The following GINS1 variants were observed in gnomAD, a reference collection of about 807,000 sequenced individuals.
GINS1 encodes the protein GINS complex subunit 1.
GINS1 carries 26 observed loss-of-function variants against 34.9 expected under a neutral mutation model. The ratio of observed to expected loss-of-function variants is 0.74; its 90% CI spans 0.55 to 1.03. The LOEUF is 1.03. GINS1 is among the 50% of genes least tolerant of loss of function. The pLI, the probability that GINS1 is intolerant of heterozygous loss-of-function variation, is 0.00. For missense variants in GINS1, 235 were observed against 237.9 expected (o/e 0.99, Z 0.08); for synonymous variants, 97 against 84.4 (o/e 1.15, Z -0.82).
intron 5 of GINS1, among the ~76,000 whole-genome samples, chr20:25,435,673 G>A (rs2090450139): frequency 6.7e-6 from 1 of 148,664 alleles, no homozygotes; most frequent in Non-Finnish European, 1.5e-5. Context: ...GAGGAGAATT[G>A]CGAATTGCTT....
chr20:25,407,838 C>T lies in GINS1; in HGVS notation c.18C>T (p.Ala6=). ...CGTCCGCCATGTTCTGCGAAAAAGCCATGGAACTGATCCGCGAGCTGCATC... is the reference window on the plus strand; with the variant it reads ...CGTCCGCCATGTTCTGCGAAAAAGCTATGGAACTGATCCGCGAGCTGCATC... MFCEK[A]MELIRELHRA... The change falls in exon 1 of 7, where the codon GCC becomes GCT. Residue 6 remains alanine (A), a synonymous_variant. Coordinates refer to ENST00000262460, the MANE Select transcript of GINS1 (RefSeq NM_021067.5). 1 of 1,613,990 alleles carries T rather than the reference C, an allele frequency of 6.2e-7. No homozygotes were observed. The highest frequency in any genetic ancestry group is 8.5e-7 in the Non-Finnish European group (1 of 1,179,934).
chr20:25,419,675 T>G (rs2146198616), intron 4 of GINS1: 2 of 597,292 alleles, frequency 3.3e-6, no homozygotes, highest in East Asian at 2.1e-4. Context: ...TTTTTGTGTA[T>G]TTTTTGAGAT....
intron 1 of GINS1, among the ~76,000 whole-genome samples, chr20:25,410,648 C>T (rs941325715): frequency 2.6e-5 from 4 of 150,956 alleles, no homozygotes; most frequent in South Asian, 2.1e-4. Flanking sequence ...CTGCAACCTC[C>T]GCCTTCTGGG....
chr20:25,429,057 T>C (rs1207553478), intron 5 of GINS1, among the ~76,000 whole-genome samples: 3 of 140,076 alleles, frequency 2.1e-5, no homozygotes, highest in Non-Finnish European at 4.6e-5. Context: ...GGTGCACTCT[T>C]GGCTCACTGC....
intron 5 of GINS1, among the ~76,000 whole-genome samples, chr20:25,433,355 A>AC (rs1374077209): frequency 6.6e-6 from 1 of 151,556 alleles, no homozygotes; most frequent in Non-Finnish European, 1.5e-5. Flanking sequence ...TTTCCTCATT[A>AC]CCCCCCACAG....
At chr20:25,425,853 TCTAC>T (rs991882905) in intron 5 of GINS1, among the ~76,000 whole-genome samples, 3 of 152,218 alleles carry the variant, frequency 2.0e-5, no homozygotes, top group Non-Finnish European at 4.4e-5. Context: ...ACATATAAAA[TCTAC>T]CATCTTAGCT....
chr20:25,408,939 A>G (rs2090265069), intron 1 of GINS1: 3 of 983,374 alleles, frequency 3.1e-6, no homozygotes, highest in Non-Finnish European at 3.6e-6. Flanking sequence ...AACAGATAAT[A>G]GAATTCACCA....
At chr20:25,421,090 C>A in intron 4 of GINS1, 1 of 296,436 alleles carries the variant, frequency 3.4e-6, no homozygotes, top group Non-Finnish European at 5.0e-6. Flanking sequence ...AGCACATGGG[C>A]TTGAGTCTGC....
intron 2 of GINS1, among the ~76,000 whole-genome samples, chr20:25,416,064 C>T (rs148085085): frequency 6.6e-6 from 1 of 152,218 alleles, no homozygotes; most frequent in Non-Finnish European, 1.5e-5. Flanking sequence ...CAAAGGATGA[C>T]ACCAGATGAG....
At chr20:25,413,508 A>C (rs1296646069) in intron 1 of GINS1, 1 of 365,476 alleles carries the variant, frequency 2.7e-6, no homozygotes, top group African/African-American at 2.0e-5. Flanking sequence ...ACCTAGGAGT[A>C]AAATTACTGA....
chr20:25,434,320 A>G (rs1223651117), intron 5 of GINS1, among the ~76,000 whole-genome samples: 1 of 152,124 alleles, frequency 6.6e-6, no homozygotes, highest in East Asian at 1.9e-4. Flanking sequence ...AACAAAAAAT[A>G]GAGTTATAAA....
intron 1 of GINS1, chr20:25,411,349 C>T (rs1189732171): frequency 6.6e-6 from 1 of 152,182 alleles, no homozygotes; most frequent in Non-Finnish European, 1.5e-5. Flanking sequence ...GGAATTACAT[C>T]TTTTGAGCAG....
Position 25,407,906 on chromosome 20 carries a change from G to T in GINS1, c.75+11G>T, listed in dbSNP as rs557824402. 1.2e-6 allele frequency: 2 copies of T among 1,605,210 alleles called. No homozygotes were observed. Among genetic ancestry groups the T allele is most frequent in the African/African-American group, 2.7e-5 (2 of 74,886 alleles). On this transcript the variant is annotated intron_variant, in intron 1 of 6. Transcript: ENST00000262460. ...CTGCCTGCCTTCAACGTGAGGGGCG[G>T]GTAGACTTGGACGGGGCATGCCGGC...
At chr20:25,440,020 A>T (rs1473708823) in intron 5 of GINS1, among the ~76,000 whole-genome samples, 1 of 151,324 alleles carries the variant, frequency 6.6e-6, no homozygotes, top group African/African-American at 2.4e-5. Flanking sequence ...TGCCAATACT[A>T]TCTCATCTTA....
intron 1 of GINS1, chr20:25,409,129 G>A: frequency 1.6e-6 from 1 of 609,138 alleles, no homozygotes; most frequent in Non-Finnish European, 2.1e-6. Context: ...GGTCACACTG[G>A]AGAGGGTGAC....
chr20:25,409,112 G>C, intron 1 of GINS1: 1 of 781,848 alleles, frequency 1.3e-6, no homozygotes, highest in Non-Finnish European at 1.6e-6. Flanking sequence ...GCAGCACAAA[G>C]TCACGTGGTC....
At chr20:25,438,551 G>A (rs951988298) in intron 5 of GINS1, among the ~76,000 whole-genome samples, 4 of 133,158 alleles carry the variant, frequency 3.0e-5, no homozygotes, top group African/African-American at 1.1e-4. Flanking sequence ...GGCAGTATCT[G>A]GGTCTGTTGT....
chr20:25,428,317 A>G (rs2090404102), intron 5 of GINS1, among the ~76,000 whole-genome samples: 1 of 150,856 alleles, frequency 6.6e-6, no homozygotes, highest in Non-Finnish European at 1.5e-5. Context: ...ATCCATTTCA[A>G]GTTAATTTTT....
chr20:25,441,630 T>A (rs2090482344), intron 5 of GINS1, 72 bp from the exon 6 acceptor site: 12 of 743,188 alleles, frequency 1.6e-5, no homozygotes, highest in South Asian at 1.5e-4. Flanking sequence ...ATTTGTATAA[T>A]GCTGATTTAT....
Sources: allele counts gnomAD v4.1 joint callset (sites outside exome capture counted in the v4.1 genomes callset), GRCh38; gene constraint gnomAD v4.1.1; transcripts MANE v1.5; gene names NCBI Gene and HGNC (gene_info 2026-07-23, HGNC 2026-07-21).